PHKA2: variants seen among roughly 807,000 people sequenced by gnomAD.
The protein encoded by PHKA2 is phosphorylase kinase regulatory subunit alpha 2.
A neutral mutation model predicts 102.0 loss-of-function variants in PHKA2; 31 were observed. The ratio of observed to expected loss-of-function variants is 0.30; its 90% CI spans 0.23 to 0.41. The LOEUF is 0.41. PHKA2 is among the 10% of genes least tolerant of loss of function. The pLI is 1.00. For missense variants in PHKA2, 858 were observed against 1,023.1 expected (o/e 0.84, Z 2.20); for synonymous variants, 455 against 416.2 (o/e 1.09, Z -1.13).
intron 2 of PHKA2, 107 bp from the exon 3 acceptor site, chrX:18,952,648 T>C: frequency 2.8e-6 from 2 of 718,457 alleles, no homozygotes; most frequent in Admixed American, 4.7e-5. Flanking sequence ...GCAACTGCCC[T>C]GGAAAGGCCA....
At chrX:18,979,687 T>C (rs986730171) in intron 1 of PHKA2, among the ~76,000 whole-genome samples, 5 of 111,987 alleles carry the variant, frequency 4.5e-5, no homozygotes, top group African/African-American at 1.6e-4. Context: ...TCAAATAATA[T>C]TTAGCAGCAA....
rs372742232 is a variant in PHKA2, at chrX:18,897,379, C to T, written c.3112-46G>A. On this transcript the variant is annotated intron_variant, in intron 29 of 32. Coordinates refer to ENST00000379942, the MANE Select transcript of PHKA2 (RefSeq NM_000292.3). ...GGCCTCAGAAGCCACGCAGCAGGTG[C>T]CCCAGGGAAAGTGCGCCATCTCGAA... The T allele has an allele frequency of 8.1e-5, 94 of 1,161,143 alleles. No homozygotes were observed. The African/African-American group carries it at 1.4e-3, about 18-fold the overall frequency.
At chrX:18,929,809 G>C (rs1024853505) in intron 12 of PHKA2, among the ~76,000 whole-genome samples, 2 of 111,788 alleles carry the variant, frequency 1.8e-5, no homozygotes, top group Non-Finnish European at 3.8e-5. Context: ...TCTTCCCCAA[G>C]GTGGGCATAG....
chrX:18,926,350 C>T (rs2048209442), intron 14 of PHKA2, 103 bp downstream of exon 14: 1 of 700,216 alleles, frequency 1.4e-6, no homozygotes, highest in Non-Finnish European at 2.3e-6. Flanking sequence ...AGTTTTTGTC[C>T]AAGTCTTTAG....
chrX:18,895,428 C>A (rs1031253549), intron 30 of PHKA2: 1 of 433,959 alleles, frequency 2.3e-6, no homozygotes, highest in Non-Finnish European at 4.1e-6. Flanking sequence ...CTCCCCCGAA[C>A]AATGCCCTAG....
chrX:18,936,920 T>C (rs777005853), intron 10 of PHKA2, among the ~76,000 whole-genome samples: 2 of 112,161 alleles, frequency 1.8e-5, no homozygotes, highest in Non-Finnish European at 3.8e-5. Flanking sequence ...TCTCCTGAGT[T>C]TTCTTCCCCC....
Position 18,908,930 on chromosome X carries a change from G to A in PHKA2, c.2231C>T (p.Pro744Leu), listed in dbSNP as rs761002360. Residue 744 changes from proline (P) to leucine (L), a missense_variant, in exon 21 of 33, where the codon CCT (proline) becomes CTT (leucine). Physicochemically the swap from Pro to Leu is moderately conservative, Grantham distance 98. This residue lies in a region of PHKA2 where 671 missense variants were observed against 745.2 expected (regional missense o/e 0.90). Coordinates refer to ENST00000379942, the MANE Select transcript of PHKA2 (RefSeq NM_000292.3). ...DSPQPLLEKV[P>L]ESDFQWPRDD... ...TCTGGGCCACTGAAAGTCACTTTCA[G>A]GAACCTGTTCATACAAGAGCCAGAA... The A allele has an allele frequency of 1.7e-6, 2 of 1,210,587 alleles. No homozygotes were observed. The highest frequency in any genetic ancestry group is 2.2e-6 in the Non-Finnish European group (2 of 894,533).
chrX:18,945,931 T>A (rs2048570846), intron 5 of PHKA2, among the ~76,000 whole-genome samples: 1 of 111,428 alleles, frequency 9.0e-6, no homozygotes, highest in African/African-American at 3.3e-5. Context: ...TTTTTTCTTT[T>A]TTTTTATTTT....
At chrX:18,905,570 G>A (rs1206788675) in intron 26 of PHKA2, among the ~76,000 whole-genome samples, 188 bp downstream of exon 26, 1 of 111,479 alleles carries the variant, frequency 9.0e-6, no homozygotes, top group South Asian at 3.8e-4. Context: ...AGAAAAGCTC[G>A]CCCAGCACAC....
chrX:18,893,320 AACAT>A lies in PHKA2; in HGVS notation c.*161_*164del. ...TCCTCAGCTCTATCTCTGTGGCTTT[AACAT>A]ACATCAGTTTCAGGGTGAGTGCTAC... On this transcript the variant is annotated 3_prime_UTR_variant, in exon 33 of 33. Transcript: ENST00000379942. The A allele has an allele frequency of 1.9e-6, 1 of 532,330 alleles. No individual in the cohort carries two copies. Among genetic ancestry groups the A allele is most frequent in the Admixed American group, 2.7e-5 (1 of 36,945 alleles). The allele number at this position is 532,330 out of a possible 1,213,427, so 43.9% of individuals were successfully genotyped here. A position where few individuals can be genotyped will look rare whatever the true frequency, so the allele number is the denominator to read the frequency against.
Position 18,983,953 on chromosome X carries a change from G to C in PHKA2, c.-21C>G, listed in dbSNP as rs1488149661. 8.4e-7 allele frequency: 1 copy of C among 1,188,325 alleles called. No homozygotes were observed. The highest frequency in any genetic ancestry group is 2.2e-5 in the Admixed American group (1 of 46,134). Reference sequence around the variant, plus strand: ...CGCATCTCCCCGAGGCTCCCAGGCCGCAGCGCCCGATCTGCCGCGTGGGCG... The same window carrying C: ...CGCATCTCCCCGAGGCTCCCAGGCCCCAGCGCCCGATCTGCCGCGTGGGCG... On this transcript the variant is annotated 5_prime_UTR_variant, in exon 1 of 33. Coordinates refer to ENST00000379942, the MANE Select transcript of PHKA2 (RefSeq NM_000292.3).
At chrX:18,963,242 T>C (rs935311046) in intron 1 of PHKA2, among the ~76,000 whole-genome samples, 11 of 112,543 alleles carry the variant, frequency 9.8e-5, no homozygotes, top group African/African-American at 3.5e-4. Context: ...GGTCCAGGCC[T>C]GGCCAATCTG....
intron 19 of PHKA2, 122 bp from the exon 20 acceptor site, chrX:18,911,082 T>C: frequency 2.5e-6 from 1 of 404,769 alleles, no homozygotes; most frequent in South Asian, 2.7e-5. Flanking sequence ...CTCGCCTCAC[T>C]GCAACCTTTG....
chrX:18,965,043 T>C (rs748584992), intron 1 of PHKA2, among the ~76,000 whole-genome samples: 8 of 112,392 alleles, frequency 7.1e-5, no homozygotes, highest in East Asian at 2.8e-4. Flanking sequence ...TGATGGCCTA[T>C]AGGGAAATAA....
intron 11 of PHKA2, among the ~76,000 whole-genome samples, chrX:18,933,564 C>T (rs1386092995): frequency 8.9e-6 from 1 of 112,701 alleles, no homozygotes. Flanking sequence ...GGCTCACATC[C>T]AAGCTGCATG....
chrX:18,921,416 C>T (rs1038547057), intron 17 of PHKA2, among the ~76,000 whole-genome samples: 17 of 110,657 alleles, frequency 1.5e-4, no homozygotes, highest in Admixed American at 9.6e-4. Flanking sequence ...ACAGAGACTC[C>T]GTCTCAAAAG....
chrX:18,951,361 G>C (rs890248994), intron 3 of PHKA2, 89 bp from the exon 4 acceptor site: 122 of 896,240 alleles, frequency 1.4e-4, no homozygotes, highest in Non-Finnish European at 1.7e-4. Context: ...TGGATCTAGA[G>C]CTCTTATCTG....
chrX:18,906,911 T>G (rs1420841519), intron 23 of PHKA2, 97 bp from the exon 24 acceptor site: 29 of 1,005,020 alleles, frequency 2.9e-5, no homozygotes, highest in Non-Finnish European at 3.8e-5. Context: ...GCTAGACGCA[T>G]CCATGTGACA....
Position 18,924,400 on chromosome X carries a change from G to A in PHKA2, c.1695C>T (p.Pro565=), listed in dbSNP as rs201064777. The A allele has an allele frequency of 8.3e-7, 1 of 1,209,205 alleles. No individual in the cohort carries two copies. Among genetic ancestry groups the A allele is most frequent in the African/African-American group, 1.8e-5 (1 of 57,095 alleles). The part of the protein sequence containing the change: ...RMTGRPTLTF[P]ISRTMLTNDG... ...AGTTACTGAGCATGGTGCGACTGATGGGGAAGGTGAGTGTGGGTCTGCCCG... is the reference window on the plus strand; with the variant it reads ...AGTTACTGAGCATGGTGCGACTGATAGGGAAGGTGAGTGTGGGTCTGCCCG... Residue 565 remains proline (P), a synonymous_variant, in exon 16 of 33, where the codon CCC becomes CCT. Coordinates refer to ENST00000379942, the MANE Select transcript of PHKA2 (RefSeq NM_000292.3).
Sources: gnomAD v4.1 joint callset for allele counts (sites outside exome capture counted in the v4.1 genomes callset) on GRCh38, gnomAD v4.1.1 for gene constraint, gnomAD v4.1.1 regional missense constraint, MANE v1.5 for transcripts, NCBI Gene and HGNC (gene_info 2026-07-23, HGNC 2026-07-21) for gene names.